Variants in DAB1 observed in about 807,000 individuals in gnomAD.
DAB1 encodes disabled homolog 1.
Under a neutral mutation model 64.6 loss-of-function variants are expected in DAB1, and 15 were observed. The observed-to-expected ratio is 0.23, with a 90% confidence interval of 0.16 to 0.36. The LOEUF (loss-of-function observed/expected upper bound fraction) is 0.36, where lower values mean the gene tolerates loss of function less well. DAB1 is among the 10% of genes least tolerant of loss of function. The pLI, the probability that DAB1 is intolerant of heterozygous loss-of-function variation, is 1.00. For missense variants in DAB1, 596 were observed against 706.7 expected, an observed-to-expected ratio of 0.84 and a Z score of 1.78; for synonymous variants, 235 against 251.9, an observed-to-expected ratio of 0.93 and a Z score of 0.64.
intron 5 of DAB1, 87 bp downstream of exon 5, chr1:57,072,196 G>C (rs1285247582): frequency 7.1e-7 from 1 of 1,418,154 alleles, no homozygotes; most frequent in Non-Finnish European, 9.8e-7. Context: ...TCATATCTGA[G>C]AGTGGGCCCT....
chr1:57,015,483 A>C, intron 11 of DAB1, 52 bp from the exon 12 acceptor site: 1 of 1,502,884 alleles, frequency 6.7e-7, no homozygotes, highest in Non-Finnish European at 9.0e-7. Flanking sequence ...CCTGGGAAAG[A>C]AGGATGCATG....
intron 7 of DAB1, among the ~76,000 whole-genome samples, chr1:57,500,601 G>A (rs1644279487): frequency 6.6e-6 from 1 of 152,060 alleles, no homozygotes; most frequent in South Asian, 2.1e-4. Flanking sequence ...AAATCACAAG[G>A]GATTTGTTTG....
intron 7 of DAB1, among the ~76,000 whole-genome samples, chr1:57,540,633 C>T (rs1372803312): frequency 1.3e-5 from 2 of 152,150 alleles, no homozygotes; most frequent in East Asian, 3.8e-4. Flanking sequence ...AGAATAAAAT[C>T]CTGTCATTTG....
intron 6 of DAB1, among the ~76,000 whole-genome samples, chr1:57,769,483 G>C (rs1166590994): frequency 6.6e-6 from 1 of 152,114 alleles, no homozygotes; most frequent in Non-Finnish European, 1.5e-5. Flanking sequence ...CATGTAGGAA[G>C]CTTAAGAATA....
At chr1:58,142,297 A>G (rs1157896716) in intron 5 of DAB1, among the ~76,000 whole-genome samples, 1 of 152,244 alleles carries the variant, frequency 6.6e-6, no homozygotes, top group East Asian at 1.9e-4. Context: ...CAGCAGCATT[A>G]AGCTGGTGTT....
At chr1:57,364,605 T>C (rs1176800503) in intron 1 of DAB1, among the ~76,000 whole-genome samples, 1 of 152,030 alleles carries the variant, frequency 6.6e-6, no homozygotes, top group Non-Finnish European at 1.5e-5. Context: ...AGAATATTTG[T>C]AGCAATATAT....
At chr1:57,911,927 A>C (rs1029223372) in intron 5 of DAB1, among the ~76,000 whole-genome samples, 4 of 152,136 alleles carry the variant, frequency 2.6e-5, no homozygotes, top group Admixed American at 6.5e-5. Context: ...TCAACCCATC[A>C]AACTATTTTA....
At chr1:57,271,505 C>T (rs1355899616) in intron 2 of DAB1, among the ~76,000 whole-genome samples, 2 of 152,160 alleles carry the variant, frequency 1.3e-5, no homozygotes, top group African/African-American at 2.4e-5. Flanking sequence ...ACCGACTTTG[C>T]GACAGGCATC....
chr1:58,010,059 C>A (rs1248538393), intron 5 of DAB1, among the ~76,000 whole-genome samples: 1 of 152,116 alleles, frequency 6.6e-6, no homozygotes, highest in African/African-American at 2.4e-5. Context: ...CAGTAGCAGA[C>A]CTAGGAGTCA....
At chr1:58,058,484 A>G (rs1648284844) in intron 5 of DAB1, among the ~76,000 whole-genome samples, 1 of 152,120 alleles carries the variant, frequency 6.6e-6, no homozygotes, top group Non-Finnish European at 1.5e-5. Flanking sequence ...GCATGGTGCA[A>G]TAACTCTCTG....
At chr1:57,112,016 T>C (rs1159704067) in intron 4 of DAB1, among the ~76,000 whole-genome samples, 2 of 152,184 alleles carry the variant, frequency 1.3e-5, no homozygotes, top group African/African-American at 4.8e-5. Flanking sequence ...AGAATAATGA[T>C]ATTCCCATTA....
chr1:57,689,782 A>G (rs192260036), intron 6 of DAB1, among the ~76,000 whole-genome samples: 349 of 152,246 alleles, frequency 2.3e-3, no homozygotes, highest in Non-Finnish European at 3.2e-3. Context: ...ATACTCTTTC[A>G]GTTTTTTAAA....
intron 6 of DAB1, among the ~76,000 whole-genome samples, chr1:57,657,996 C>A (rs1396473996): frequency 6.6e-6 from 1 of 152,132 alleles, no homozygotes; most frequent in Non-Finnish European, 1.5e-5. Flanking sequence ...GTTTACTGAG[C>A]CCCTCTTATA....
At chr1:57,808,006 G>A (rs72664686) in intron 6 of DAB1, among the ~76,000 whole-genome samples, 3 of 152,020 alleles carry the variant, frequency 2.0e-5, no homozygotes, top group South Asian at 2.1e-4. Flanking sequence ...GTTCATAAGC[G>A]ATGCTTCTGG....
chr1:58,443,814 CATT>C (rs1645037882), intron 3 of DAB1, among the ~76,000 whole-genome samples: 1 of 152,194 alleles, frequency 6.6e-6, no homozygotes. Context: ...ATACTCAACA[CATT>C]GTTTAAACAT....
At chr1:57,482,133 T>A (rs1570561008) in intron 7 of DAB1, among the ~76,000 whole-genome samples, 1 of 151,972 alleles carries the variant, frequency 6.6e-6, no homozygotes, top group Non-Finnish European at 1.5e-5. Flanking sequence ...AAAAGGCCAT[T>A]TAAAAATATT....
chr1:58,291,331 C>G (rs1661830323), intron 4 of DAB1, among the ~76,000 whole-genome samples: 1 of 152,166 alleles, frequency 6.6e-6, no homozygotes, highest in Non-Finnish European at 1.5e-5. Flanking sequence ...ACAGCCTTCT[C>G]TTCTCTTTCT....
chr1:57,294,312 T>A (rs2100676436), intron 1 of DAB1, among the ~76,000 whole-genome samples: 1 of 152,314 alleles, frequency 6.6e-6, no homozygotes, highest in East Asian at 1.9e-4. Flanking sequence ...TCAGGTTTTT[T>A]ATAATGAGCT....
chr1:57,611,493 TG>T (rs1471600790), intron 7 of DAB1, among the ~76,000 whole-genome samples: 4 of 152,210 alleles, frequency 2.6e-5, no homozygotes, highest in African/African-American at 9.6e-5. Context: ...ATGAAGTTAT[TG>T]ATAAAATTTG....
Sources: gnomAD v4.1 joint callset for allele counts (sites outside exome capture counted in the v4.1 genomes callset) on GRCh38, gnomAD v4.1.1 for gene constraint, MANE v1.5 for transcripts, NCBI Gene and HGNC (gene_info 2026-07-23, HGNC 2026-07-21) for gene names.